RAP1A: variants seen among roughly 807,000 people sequenced by gnomAD.
The protein encoded by RAP1A is ras-related protein Rap-1A.
Under a neutral mutation model 26.4 loss-of-function variants are expected in RAP1A, and 6 were observed. That is an observed-to-expected ratio of 0.23 (90% confidence interval 0.12 to 0.45). The LOEUF (loss-of-function observed/expected upper bound fraction) is 0.45. Ranked by LOEUF, RAP1A falls within the 20% of genes least tolerant of loss-of-function variation. The probability of loss-of-function intolerance (pLI) is 0.99; values close to 1 mark genes in which losing one functional copy is unlikely to be tolerated. For missense variants in RAP1A, 121 were observed against 217.2 expected (o/e 0.56, Z 2.78); for synonymous variants, 73 against 79.4 (o/e 0.92, Z 0.43).
chr1:111,710,880 T>C (rs1416260788), intron 7 of RAP1A, among the ~76,000 whole-genome samples: 1 of 152,242 alleles, frequency 6.6e-6, no homozygotes, highest in Non-Finnish European at 1.5e-5. Context: ...TCACCCAGGC[T>C]GGAGTACAGT....
intron 1 of RAP1A, among the ~76,000 whole-genome samples, chr1:111,629,245 T>C (rs2101100691): frequency 6.6e-6 from 1 of 152,290 alleles, no homozygotes; most frequent in African/African-American, 2.4e-5. Flanking sequence ...ACATTACTTT[T>C]AGTGTTCCTG....
At chr1:111,698,720 A>G (rs1343084822) in intron 4 of RAP1A, among the ~76,000 whole-genome samples, 1 of 152,138 alleles carries the variant, frequency 6.6e-6, no homozygotes, top group Non-Finnish European at 1.5e-5. Context: ...ATTATACTGT[A>G]TTTTTCCATT....
At chr1:111,700,762 T>C (rs1393189107) in intron 4 of RAP1A, among the ~76,000 whole-genome samples, 1 of 152,200 alleles carries the variant, frequency 6.6e-6, no homozygotes, top group African/African-American at 2.4e-5. Flanking sequence ...CCCATCTCAG[T>C]AAATAGTACC....
At chr1:111,701,949 A>C (rs1275951419) in intron 4 of RAP1A, among the ~76,000 whole-genome samples, 1 of 152,230 alleles carries the variant, frequency 6.6e-6, no homozygotes, top group African/African-American at 2.4e-5. Flanking sequence ...CATCTTTCCC[A>C]GAAAATACAC....
At chr1:111,547,376 T>C (rs1222337014) in intron 1 of RAP1A, among the ~76,000 whole-genome samples, 2 of 152,184 alleles carry the variant, frequency 1.3e-5, no homozygotes, top group East Asian at 3.9e-4. Flanking sequence ...ATCCTATTAA[T>C]ATTATATTGA....
intron 1 of RAP1A, among the ~76,000 whole-genome samples, chr1:111,678,051 T>TA (rs1661180671): frequency 6.6e-6 from 1 of 152,220 alleles, no homozygotes; most frequent in South Asian, 2.1e-4. Flanking sequence ...ATTACTACAG[T>TA]TTTATAGTCT....
intron 1 of RAP1A, among the ~76,000 whole-genome samples, chr1:111,543,262 T>C (rs2101026562): frequency 6.6e-6 from 1 of 152,310 alleles, no homozygotes; most frequent in South Asian, 2.1e-4. Flanking sequence ...TGCGTGTTTC[T>C]GTGTGTGTTG....
intron 1 of RAP1A, among the ~76,000 whole-genome samples, chr1:111,568,028 T>C (rs1657962627): frequency 6.6e-6 from 1 of 152,210 alleles, no homozygotes; most frequent in Non-Finnish European, 1.5e-5. Flanking sequence ...CAGTGGGCCA[T>C]TGCTGTGCCT....
chr1:111,701,867 G>T (rs571122404), intron 4 of RAP1A, among the ~76,000 whole-genome samples: 88 of 152,272 alleles, frequency 5.8e-4, no homozygotes, highest in Non-Finnish European at 9.4e-4. Context: ...AATTTAATTG[G>T]TTACCATAGT....
chr1:111,588,536 A>G (rs1334721466), intron 1 of RAP1A, among the ~76,000 whole-genome samples: 1 of 152,162 alleles, frequency 6.6e-6, no homozygotes, highest in Non-Finnish European at 1.5e-5. Context: ...TTAGCCTCTT[A>G]TTCCATCAGG....
chr1:111,559,832 T>G (rs1224166176), intron 1 of RAP1A, among the ~76,000 whole-genome samples: 1 of 152,224 alleles, frequency 6.6e-6, no homozygotes, highest in Non-Finnish European at 1.5e-5. Flanking sequence ...TGGGAGAGAC[T>G]GAGTGTTGAG....
chr1:111,569,482 A>G (rs950549333), intron 1 of RAP1A, among the ~76,000 whole-genome samples: 3 of 151,888 alleles, frequency 2.0e-5, no homozygotes, highest in African/African-American at 7.3e-5. Flanking sequence ...TCAGGGGTCA[A>G]CTGTACTTAG....
intron 1 of RAP1A, among the ~76,000 whole-genome samples, chr1:111,665,547 AATG>A (rs1252722548): frequency 6.6e-6 from 1 of 152,206 alleles, no homozygotes; most frequent in Non-Finnish European, 1.5e-5. Flanking sequence ...GTTTGTCTGC[AATG>A]ATAATAGTTA....
At chr1:111,607,203 A>AT (rs1459859031) in intron 1 of RAP1A, among the ~76,000 whole-genome samples, 3 of 151,384 alleles carry the variant, frequency 2.0e-5, no homozygotes, top group Non-Finnish European at 3.0e-5. Context: ...GGTACTTGAG[A>AT]TTAGGGAGTG....
rs1660514498 is a variant in RAP1A at position 111,657,922 on chromosome 1, A to AT, written c.-27-33408dup. Among the ~76,000 whole-genome samples, 4 of 151,978 alleles carry AT rather than the reference A, an allele frequency of 2.6e-5. No individual in the cohort carries two copies. The South Asian group carries it at 8.3e-4, about 31-fold the overall frequency. ...TTGTTTAGTTTCTAAATATTTGGGG[A>AT]TTTTCTTGATCTTTCTGTTACTGGT... On this transcript the variant is annotated intron_variant, in intron 1 of 7. Transcript: ENST00000369709.
chr1:111,715,165 C>T lies in RAP1A; in HGVS notation c.*2764C>T, dbSNP rs1393528883. Reference sequence around the variant, plus strand: ...GCTCAGTCTCCGCTCACTGCAACCTCTGCCTCCCGGGTTCAAACAGTTGTG... The same window carrying T: ...GCTCAGTCTCCGCTCACTGCAACCTTTGCCTCCCGGGTTCAAACAGTTGTG... On this transcript the variant is annotated 3_prime_UTR_variant, in exon 8 of 8. Transcript: ENST00000369709. The T allele has an allele frequency of 1.3e-5, 2 of 152,100 alleles. No homozygotes were observed. Among genetic ancestry groups the T allele is most frequent in the Admixed American group, 1.3e-4 (2 of 15,272 alleles). The allele number at this position is 152,100 out of a possible 1,614,324, so 9.4% of individuals were successfully genotyped here.
At chr1:111,635,439 G>A (rs928439358) in intron 1 of RAP1A, among the ~76,000 whole-genome samples, 14 of 152,188 alleles carry the variant, frequency 9.2e-5, no homozygotes, top group African/African-American at 3.4e-4. Flanking sequence ...ATCTGTCAGT[G>A]GAGAAAGAAC....
At position 111,713,732 on chromosome 1, in the gene RAP1A, C is replaced by T. The variant is rs920365257; in HGVS notation, c.*1331C>T. 1 of 152,130 alleles carries T rather than the reference C, an allele frequency of 6.6e-6. No homozygotes were observed. Among genetic ancestry groups the T allele is most frequent in the Non-Finnish European group, 1.5e-5 (1 of 68,014 alleles). The allele number at this position is 152,130 out of a possible 1,614,324, so 9.4% of individuals were successfully genotyped here. A position where few individuals can be genotyped will look rare whatever the true frequency, so the allele number is the denominator to read the frequency against. On this transcript the variant is annotated 3_prime_UTR_variant, in exon 8 of 8. Transcript: ENST00000369709. ...CCTATATAGTGGTGCTTTTTCTTTT[C>T]CTTCCCAGTTATTTTCCTCTTTACA...
chr1:111,565,949 A>G (rs565630365), intron 1 of RAP1A, among the ~76,000 whole-genome samples: 108 of 152,264 alleles, frequency 7.1e-4, no homozygotes, highest in African/African-American at 2.6e-3. Flanking sequence ...CAGAGGGTCT[A>G]CATGTGCCAA....
Sources: gnomAD v4.1 joint callset for allele counts (sites outside exome capture counted in the v4.1 genomes callset) on GRCh38, gnomAD v4.1.1 for gene constraint, MANE v1.5 for transcripts, NCBI Gene and HGNC (gene_info 2026-07-23, HGNC 2026-07-21) for gene names.